Variants in VPS26B observed in about 807,000 individuals in gnomAD.
VPS26B encodes the protein vacuolar protein sorting-associated protein 26B.
Under a neutral mutation model 33.3 loss-of-function variants are expected in VPS26B, and 10 were observed. The ratio of observed to expected loss-of-function variants is 0.30; its 90% CI spans 0.19 to 0.51. The LOEUF is 0.51. Among genes scored for constraint, VPS26B ranks in the 20% least tolerant of loss-of-function variants. The pLI, the probability that VPS26B is intolerant of heterozygous loss-of-function variation, is 0.98. For synonymous variants in VPS26B, 190 were observed against 176.9 expected (o/e 1.07, Z -0.59); for missense variants, 317 against 452.7 (o/e 0.70, Z 2.72).
At chr11:134,231,798 C>A (rs1001554793) in intron 1 of VPS26B, among the ~76,000 whole-genome samples, 1 of 152,198 alleles carries the variant, frequency 6.6e-6, no homozygotes, top group Non-Finnish European at 1.5e-5. Flanking sequence ...CTCCTGACCT[C>A]GTGATCCACC....
chr11:134,235,748 T>G (rs1938622268), intron 2 of VPS26B: 1 of 152,238 alleles, frequency 6.6e-6, no homozygotes, highest in Non-Finnish European at 1.5e-5. Context: ...TGGATTGTTT[T>G]TACTGTTATA....
chr11:134,240,196 G>A lies in VPS26B; in HGVS notation c.545+41G>A. The A allele has an allele frequency of 6.2e-7, 1 of 1,608,916 alleles. No homozygotes were observed. The highest frequency in any genetic ancestry group is 1.1e-5 in the South Asian group (1 of 90,906). On this transcript the variant is annotated intron_variant, in intron 3 of 5. Transcript: ENST00000281187. This position sits in a 1 kb window ranked among gnomAD's most constrained non-coding sequence, Gnocchi z 4.4. ...CCAAGGTTGTGAAATGATTATTTAA[G>A]GAGGTTAAGATGGGACTTGATGCAG...
Position 134,234,844 on chromosome 11 carries a change from G to C in VPS26B, c.224-53G>C, listed in dbSNP as rs80234414. On this transcript the variant is annotated intron_variant, in intron 1 of 5. Transcript: ENST00000281187. ...CAGCCTCCAGCCCCCTACTCGGCCC[G>C]GTGTAGCTCAGGGTCTGATAAAGGA... 6.9e-6 allele frequency: 11 copies of C among 1,587,848 alleles called. No individual in the cohort carries two copies. In the South Asian group the frequency reaches 1.3e-4, roughly 18 times the overall value.
rs759127190 is a variant in VPS26B, at chr11:134,225,219, A to G, written c.97A>G (p.Lys33Glu). ...GGCCGAGCACAAGACGGAGGACGGG[A>G]AGAAGGAGAAATATTTCCTCTTCTA... ...KRAEHKTEDG[K>E]KEKYFLFYDG... The change falls in exon 1 of 6, where the codon AAG (lysine) becomes GAG (glutamate). Residue 33 changes from lysine to glutamate, a missense_variant. Transcript: ENST00000281187. 6.2e-7 allele frequency: 1 copy of G among 1,614,030 alleles called. No homozygotes were observed. The highest frequency in any genetic ancestry group is 8.5e-7 in the Non-Finnish European group (1 of 1,179,970).
At position 134,225,028 on chromosome 11, in the gene VPS26B, G is replaced by C; in HGVS notation, c.-95G>C. Reference sequence around the variant, plus strand: ...AGCCCCGCGGCGGCCGAGCGCGCTCGCGCATCGGGCCCTCTGGCCTTCTTT... The same window carrying C: ...AGCCCCGCGGCGGCCGAGCGCGCTCCCGCATCGGGCCCTCTGGCCTTCTTT... On this transcript the variant is annotated 5_prime_UTR_variant, in exon 1 of 6. Transcript: ENST00000281187. 8.3e-7 allele frequency: 1 copy of C among 1,198,584 alleles called. No homozygotes were observed. The highest frequency in any genetic ancestry group is 1.1e-6 in the Non-Finnish European group (1 of 922,350). 74.2% of individuals were successfully genotyped at this position (1,198,584 alleles called of 1,614,324 possible).
In VPS26B at chr11:134,245,500, G is replaced by C. The variant is rs148920934; in HGVS notation, c.921G>C (p.Ala307=). Residue 307 remains alanine, a synonymous_variant, in exon 6 of 6, where the codon GCG becomes GCC. Transcript: ENST00000281187. This position sits in a 1 kb window ranked among gnomAD's most constrained non-coding sequence, Gnocchi z 4.7. Reference sequence around the variant, plus strand: ...TACGGAAGAGCATGTCCCACCAGGCGGCCATCGCCTCACAGCGCTTTGAGG... The same window carrying C: ...TACGGAAGAGCATGTCCCACCAGGCCGCCATCGCCTCACAGCGCTTTGAGG... ...DIVRKSMSHQ[A]AIASQRFEGT... 4 of 1,613,984 alleles carry C rather than the reference G, an allele frequency of 2.5e-6. No homozygotes were observed. Among genetic ancestry groups the C allele is most frequent in the Non-Finnish European group, 3.4e-6 (4 of 1,179,942 alleles).
intron 1 of VPS26B, among the ~76,000 whole-genome samples, chr11:134,226,645 G>A (rs1312931249): frequency 6.6e-6 from 1 of 152,166 alleles, no homozygotes; most frequent in African/African-American, 2.4e-5. Flanking sequence ...AATCCATACC[G>A]ATACCACACA....
In VPS26B at chr11:134,245,850, T is replaced by C. The variant is rs912869880; in HGVS notation, c.*260T>C. 2.4e-5 allele frequency: 11 copies of C among 463,826 alleles called. No individual in the cohort carries two copies. Among genetic ancestry groups the C allele is most frequent in the Admixed American group, 1.0e-4 (3 of 29,202 alleles). The allele number at this position is 463,826 out of a possible 1,614,324, so 28.7% of individuals were successfully genotyped here. ...TGGAAGCCAGCCTCTCTGGGGAACA[T>C]GAGCCCCCTTCCTCGGGGGGCTGCC... On this transcript the variant is annotated 3_prime_UTR_variant, in exon 6 of 6. Transcript: ENST00000281187. This position sits in a 1 kb window ranked among gnomAD's most constrained non-coding sequence, Gnocchi z 4.7.
At chr11:134,243,995 C>G (rs1464605821) in intron 4 of VPS26B, 1 of 152,238 alleles carries the variant, frequency 6.6e-6, no homozygotes, top group Non-Finnish European at 1.5e-5. Flanking sequence ...GTTTTATTGG[C>G]TTATTCCTTT....
At chr11:134,237,727 A>C (rs1477548523) in intron 2 of VPS26B, among the ~76,000 whole-genome samples, 1 of 152,182 alleles carries the variant, frequency 6.6e-6, no homozygotes, top group Non-Finnish European at 1.5e-5. Flanking sequence ...CACGGGACGC[A>C]GAATCAAGGG....
Position 134,240,703 on chromosome 11 carries a change from T to G in VPS26B, c.545+548T>G, listed in dbSNP as rs1684636306. ...GCCTTGACCTCCTAGACTCAAGCAT[T>G]TCTCTCACCTCCGCCCCTACAAGTA... On this transcript the variant is annotated intron_variant, in intron 3 of 5. Coordinates refer to ENST00000281187, the MANE Select transcript of VPS26B (RefSeq NM_052875.5). This position sits in a 1 kb window ranked among gnomAD's most constrained non-coding sequence, Gnocchi z 4.4. 6.6e-6 allele frequency among the ~76,000 whole-genome samples: 1 copy of G among 151,958 alleles called. No homozygotes were observed. Among genetic ancestry groups the G allele is most frequent in the South Asian group, 2.1e-4 (1 of 4,818 alleles).
intron 2 of VPS26B, 200 bp downstream of exon 2, chr11:134,235,253 T>G (rs1435004697): frequency 1.0e-5 from 6 of 597,490 alleles, no homozygotes; most frequent in Non-Finnish European, 1.7e-5. Context: ...TGTCAATTTC[T>G]GTAGTGTACA....
chr11:134,234,405 T>C (rs1938601251), intron 1 of VPS26B, among the ~76,000 whole-genome samples: 1 of 152,258 alleles, frequency 6.6e-6, no homozygotes, highest in African/African-American at 2.4e-5. Context: ...GTCTCAGCTC[T>C]GCAGCCAGCT....
At chr11:134,226,039 G>A (rs760288127) in intron 1 of VPS26B, among the ~76,000 whole-genome samples, 8 of 152,152 alleles carry the variant, frequency 5.3e-5, no homozygotes, top group Non-Finnish European at 7.4e-5. Context: ...ACAAAGAAAT[G>A]GTGTTTCTAA....
intron 2 of VPS26B, among the ~76,000 whole-genome samples, chr11:134,239,481 T>A (rs2136051408): frequency 6.6e-6 from 1 of 152,356 alleles, no homozygotes; most frequent in Admixed American, 6.5e-5. Context: ...GTCCCCTCTT[T>A]TAACTTAAGA....
In VPS26B at chr11:134,245,706, G is replaced by T; in HGVS notation, c.*116G>T. ...TCAGTTGACCCGTTACTTGCAACCT[G>T]AAAACAAATCATGTTTTTGACTTAA... On this transcript the variant is annotated 3_prime_UTR_variant, in exon 6 of 6. Transcript: ENST00000281187. This position sits in a 1 kb window ranked among gnomAD's most constrained non-coding sequence, Gnocchi z 4.7. The T allele has an allele frequency of 7.6e-7, 1 of 1,308,638 alleles. No individual in the cohort carries two copies. 81.1% of individuals were successfully genotyped at this position (1,308,638 alleles called of 1,614,324 possible).
chr11:134,225,503 C>A (rs1434973741), intron 1 of VPS26B, 158 bp downstream of exon 1: 1 of 737,818 alleles, frequency 1.4e-6, no homozygotes, highest in Non-Finnish European at 2.3e-6. Flanking sequence ...GTGGGCGACT[C>A]CCCCTGCGTT....
intron 1 of VPS26B, among the ~76,000 whole-genome samples, chr11:134,226,013 C>T (rs1169876817): frequency 1.3e-5 from 2 of 152,242 alleles, no homozygotes; most frequent in Non-Finnish European, 2.9e-5. Context: ...TCAGTTACCA[C>T]ATTTTCTGTT....
chr11:134,236,740 A>T (rs1237608135), intron 2 of VPS26B: 1 of 152,264 alleles, frequency 6.6e-6, no homozygotes, highest in Non-Finnish European at 1.5e-5. Context: ...GATTCCATAT[A>T]TATGAGGTAC....
Sources: allele counts gnomAD v4.1 joint callset (sites outside exome capture counted in the v4.1 genomes callset), GRCh38; gene constraint gnomAD v4.1.1; non-coding constraint Gnocchi (gnomAD v3.1); transcripts MANE v1.5; gene names NCBI Gene and HGNC (gene_info 2026-07-23, HGNC 2026-07-21).